The following FBXO40 variants were observed in gnomAD, a reference collection of about 807,000 sequenced individuals.
FBXO40 encodes F-box only protein 40.
In FBXO40, 50 loss-of-function variants were observed where a neutral mutation model predicts 49.9. The ratio of observed to expected loss-of-function variants is 1.00; its 90% CI spans 0.80 to 1.27. The LOEUF is 1.27. Ranked by LOEUF, FBXO40 falls within the 50% of genes most tolerant of loss-of-function variation. The pLI, the probability that FBXO40 is intolerant of heterozygous loss-of-function variation, is 0.00. For missense variants in FBXO40, 895 were observed against 870.1 expected, an observed-to-expected ratio of 1.03 and a Z score of -0.36; for synonymous variants, 340 against 320.2, an observed-to-expected ratio of 1.06 and a Z score of -0.66.
chr3:121,620,901 T>C (rs900294266), intron 2 of FBXO40, among the ~76,000 whole-genome samples: 6 of 152,238 alleles, frequency 3.9e-5, no homozygotes, highest in African/African-American at 4.8e-5. Context: ...CCATGCTAGA[T>C]GCTAGGGACA....
chr3:121,606,868 A>C (rs2048934337), intron 1 of FBXO40, among the ~76,000 whole-genome samples: 1 of 152,184 alleles, frequency 6.6e-6, no homozygotes, highest in Non-Finnish European at 1.5e-5. Flanking sequence ...TTGGATTCCC[A>C]ATGCCAAGGA....
chr3:121,599,724 A>ATT (rs753693720), intron 1 of FBXO40, among the ~76,000 whole-genome samples: 3,029 of 97,032 alleles, frequency 0.031, 70 homozygotes, highest in African/African-American at 0.049. Context: ...ATATATATAT[A>ATT]TTTTTTTTTT....
intron 1 of FBXO40, among the ~76,000 whole-genome samples, chr3:121,600,454 G>A (rs1343394535): frequency 1.3e-5 from 2 of 152,166 alleles, no homozygotes; most frequent in African/African-American, 4.8e-5. Context: ...AGAGGGCACA[G>A]TATGGGATAT....
rs137900064 is a variant in FBXO40 at position 121,597,658 on chromosome 3, C to CTTTTTTTTTTTTTTTTTTTTTTTT, written c.-31+4156_-31+4157insTTTTTTTTTTTTTTTTTTTTTTTT. Among the ~76,000 whole-genome samples, 4 of 127,820 alleles carry CTTTTTTTTTTTTTTTTTTTTTTTT rather than the reference C, an allele frequency of 3.1e-5. 1 individual carries two copies. The highest frequency in any genetic ancestry group is 2.9e-5 in the African/African-American group (1 of 33,978). The allele number at this position is 127,820 out of a possible 152,430, so 83.9% of individuals were successfully genotyped here. Reference sequence around the variant, plus strand: ...CAACCCTATTGGTTATTATAGGCCCCCTTTTTTTTTTTTTTTTTTTTGAGA... The same window carrying CTTTTTTTTTTTTTTTTTTTTTTTT: ...CAACCCTATTGGTTATTATAGGCCCCTTTTTTTTTTTTTTTTTTTTTTTTCTTTTTTTTTTTTTTTTTTTTGAGA... On this transcript the variant is annotated intron_variant, in intron 1 of 3. Transcript: ENST00000338040.
chr3:121,601,899 G>A (rs533443722), intron 1 of FBXO40, among the ~76,000 whole-genome samples: 1 of 152,150 alleles, frequency 6.6e-6, no homozygotes, highest in East Asian at 1.9e-4. Flanking sequence ...TCTCAGCCAG[G>A]ACAGGCCCTG....
intron 1 of FBXO40, among the ~76,000 whole-genome samples, chr3:121,594,056 C>CA (rs1367557214): frequency 6.6e-6 from 1 of 152,016 alleles, no homozygotes; most frequent in African/African-American, 2.4e-5. Context: ...TTAGTAGAGA[C>CA]AGAGTTTCAC....
At chr3:121,626,385 T>G (rs748511933) in intron 3 of FBXO40, among the ~76,000 whole-genome samples, 3 of 152,200 alleles carry the variant, frequency 2.0e-5, no homozygotes, top group Non-Finnish European at 2.9e-5. Flanking sequence ...ATTGTTCTGA[T>G]TTGAACTGTG....
At chr3:121,598,823 C>T (rs181919148) in intron 1 of FBXO40, among the ~76,000 whole-genome samples, 3 of 152,272 alleles carry the variant, frequency 2.0e-5, no homozygotes, top group Admixed American at 1.3e-4. Flanking sequence ...GCCCAATTTA[C>T]ACCTTTCTGC....
At position 121,623,096 on chromosome 3, in the gene FBXO40, G is replaced by A. The variant is rs1417927879; in HGVS notation, c.1667G>A (p.Gly556Glu). 1 of 1,614,122 alleles carries A rather than the reference G, an allele frequency of 6.2e-7. No individual in the cohort carries two copies. Among genetic ancestry groups the A allele is most frequent in the Non-Finnish European group, 8.5e-7 (1 of 1,180,056 alleles). ...GAGGTTGCTCCAGAGCTGAGCGAGGGAAGGAAGAACAACCATCTTTTGGGT... is the reference window on the plus strand; with the variant it reads ...GAGGTTGCTCCAGAGCTGAGCGAGGAAAGGAAGAACAACCATCTTTTGGGT... ...KPEVAPELSEGRKNNHLLGHG... is the reference protein window; with the variant it reads ...KPEVAPELSEERKNNHLLGHG... The change falls in exon 3 of 4, where the codon GGA (glycine) becomes GAA (glutamate). Residue 556 changes from glycine (G) to glutamate (E), a missense_variant. Coordinates refer to ENST00000338040, the MANE Select transcript of FBXO40 (RefSeq NM_016298.4).
Position 121,622,082 on chromosome 3 carries a change from G to A in FBXO40, c.653G>A (p.Trp218Ter). 1.2e-6 allele frequency: 2 copies of A among 1,614,180 alleles called. No homozygotes were observed. Among genetic ancestry groups the A allele is most frequent in the East Asian group, 2.2e-5 (1 of 44,888 alleles). Residue 218 changes from tryptophan to a stop codon, truncating the protein, a stop_gained, in exon 3 of 4, where the codon TGG becomes TAG. Transcript: ENST00000338040. LOFTEE classifies it high-confidence loss of function. Reference sequence around the variant, plus strand: ...ATGGACCTGGTCAAGTTTGGCCAGTGGGAAAATATTTTCAGCAAAGAGCAC... The same window carrying A: ...ATGGACCTGGTCAAGTTTGGCCAGTAGGAAAATATTTTCAGCAAAGAGCAC... ...EGMDLVKFGQ[W>*]ENIFSKEHAA...
chr3:121,622,421 A>G lies in FBXO40; in HGVS notation c.992A>G (p.Glu331Gly). The change falls in exon 3 of 4, where the codon GAG becomes GGG. Residue 331 changes from glutamate (E) to glycine (G), a missense_variant. Physicochemically the swap from Glu to Gly is moderately conservative, Grantham distance 98. Transcript: ENST00000338040. ...FGQMPACTPK[E>G]RDFVYGKLEA... ...CAGATGCCTGCTTGTACACCCAAGGAGAGAGACTTTGTTTATGGCAAGCTG... is the reference window on the plus strand; with the variant it reads ...CAGATGCCTGCTTGTACACCCAAGGGGAGAGACTTTGTTTATGGCAAGCTG... The G allele has an allele frequency of 6.2e-7, 1 of 1,614,212 alleles. No individual in the cohort carries two copies. Among genetic ancestry groups the G allele is most frequent in the South Asian group, 1.1e-5 (1 of 91,080 alleles).
intron 3 of FBXO40, 83 bp from the exon 4 acceptor site, chr3:121,626,612 A>G (rs1403933217): frequency 3.4e-6 from 4 of 1,188,904 alleles, no homozygotes; most frequent in Non-Finnish European, 5.0e-6. Context: ...GAACAGGAGG[A>G]TATTTCCTTA....
rs928060516 is a variant in FBXO40 at position 121,627,024 on chromosome 3, G to A, written c.*114G>A. The stretch of plus-strand genomic sequence containing the variant: ...TCTGTAAACTGCCTATTTGCTTATC[G>A]GGGTGTATTGGAACACGCAATGTCC... On this transcript the variant is annotated 3_prime_UTR_variant, in exon 4 of 4. Coordinates refer to ENST00000338040, the MANE Select transcript of FBXO40 (RefSeq NM_016298.4). 1.9e-5 allele frequency: 18 copies of A among 938,340 alleles called. No individual in the cohort carries two copies. Among genetic ancestry groups the A allele is most frequent in the African/African-American group, 9.8e-5 (6 of 61,158 alleles). 58.1% of individuals were successfully genotyped at this position (938,340 alleles called of 1,614,324 possible).
rs760251198 is a variant in FBXO40, at chr3:121,622,514, G to A, written c.1085G>A (p.Arg362Gln). ...VPVSYCGKRA[R>Q]LGDAMLSCKP... ...GTGAGCTACTGTGGAAAGCGAGCTC[G>A]ACTTGGAGATGCCATGTTGAGTTGT... Residue 362 changes from arginine to glutamine, a missense_variant, in exon 3 of 4, where the codon CGA (arginine) becomes CAA (glutamine). Physicochemically the swap from Arg to Gln is conservative, Grantham distance 43. Coordinates refer to ENST00000338040, the MANE Select transcript of FBXO40 (RefSeq NM_016298.4). The A allele has an allele frequency of 3.1e-6, 5 of 1,614,174 alleles. No homozygotes were observed. Among genetic ancestry groups the A allele is most frequent in the South Asian group, 2.2e-5 (2 of 91,052 alleles).
chr3:121,612,455 T>C (rs1184576111), intron 1 of FBXO40, among the ~76,000 whole-genome samples: 2 of 152,164 alleles, frequency 1.3e-5, no homozygotes, highest in African/African-American at 4.8e-5. Flanking sequence ...TCTGACTTTG[T>C]TCCTCCGGAG....
At chr3:121,600,166 G>A (rs2048894817) in intron 1 of FBXO40, among the ~76,000 whole-genome samples, 1 of 145,834 alleles carries the variant, frequency 6.9e-6, no homozygotes, top group Non-Finnish European at 1.5e-5. Context: ...AAGCAGCTAA[G>A]ACTACAGGCA....
At chr3:121,617,224 T>C (rs1412611795) in intron 1 of FBXO40, among the ~76,000 whole-genome samples, 1 of 152,188 alleles carries the variant, frequency 6.6e-6, no homozygotes, top group African/African-American at 2.4e-5. Context: ...TATCCTGACT[T>C]GATGATTACA....
chr3:121,603,167 G>A (rs2048909945), intron 1 of FBXO40, among the ~76,000 whole-genome samples: 1 of 152,190 alleles, frequency 6.6e-6, no homozygotes, highest in Non-Finnish European at 1.5e-5. Flanking sequence ...TTACCCTGAT[G>A]TCTTAATTGT....
intron 1 of FBXO40, among the ~76,000 whole-genome samples, chr3:121,605,436 T>C (rs2048927334): frequency 6.6e-6 from 1 of 152,208 alleles, no homozygotes; most frequent in African/African-American, 2.4e-5. Context: ...TGCAGGACTA[T>C]GGTATGTTGG....
Sources: gnomAD v4.1 joint callset for allele counts (sites outside exome capture counted in the v4.1 genomes callset) on GRCh38, gnomAD v4.1.1 for gene constraint, MANE v1.5 for transcripts, NCBI Gene and HGNC (gene_info 2026-07-23, HGNC 2026-07-21) for gene names.